The following RIMS1 variants were observed in gnomAD, a reference collection of about 807,000 sequenced individuals.
RIMS1 encodes regulating synaptic membrane exocytosis 1, also known as regulating synaptic membrane exocytosis protein 1.
Under a neutral mutation model 214.1 loss-of-function variants are expected in RIMS1, and 83 were observed. That is an observed-to-expected ratio of 0.39 (90% confidence interval 0.32 to 0.47). The LOEUF (loss-of-function observed/expected upper bound fraction) is 0.47. Ranked by LOEUF, RIMS1 falls within the 20% of genes least tolerant of loss-of-function variation. The pLI, the probability that RIMS1 is intolerant of heterozygous loss-of-function variation, is 0.99. For missense variants in RIMS1, 2,050 were observed against 2,161.8 expected (o/e 0.95, Z 1.03); for synonymous variants, 793 against 786.8 (o/e 1.01, Z -0.13).
chr6:71,931,726 G>A (rs931235434), intron 1 of RIMS1, among the ~76,000 whole-genome samples: 1 of 151,566 alleles, frequency 6.6e-6, no homozygotes, highest in East Asian at 1.9e-4. Context: ...AGTTTCTTTT[G>A]CTGTGAAGAA....
chr6:72,382,261 C>G (rs1286938334), intron 29 of RIMS1, among the ~76,000 whole-genome samples: 4 of 152,176 alleles, frequency 2.6e-5, no homozygotes, highest in Non-Finnish European at 5.9e-5. Context: ...TTGTACTTAT[C>G]TGGCTTAGGA....
intron 4 of RIMS1, among the ~76,000 whole-genome samples, chr6:72,177,053 T>C (rs1294446772): frequency 6.6e-6 from 1 of 152,188 alleles, no homozygotes; most frequent in Non-Finnish European, 1.5e-5. Flanking sequence ...TTCTAGAGAA[T>C]ATTCAAATGT....
chr6:71,973,036 A>G (rs1040857517), intron 2 of RIMS1, among the ~76,000 whole-genome samples: 2 of 152,070 alleles, frequency 1.3e-5, no homozygotes, highest in Non-Finnish European at 2.9e-5. Flanking sequence ...CTGCCTCCCA[A>G]GTAGCTGGGA....
At chr6:72,129,583 T>A (rs567651684) in intron 4 of RIMS1, among the ~76,000 whole-genome samples, 2 of 152,258 alleles carry the variant, frequency 1.3e-5, no homozygotes, top group East Asian at 1.9e-4. Flanking sequence ...GTATAAGAGT[T>A]TTCTAGTTTA....
At chr6:72,152,741 GTA>G (rs1185301698) in intron 4 of RIMS1, among the ~76,000 whole-genome samples, 5 of 132,582 alleles carry the variant, frequency 3.8e-5, no homozygotes, top group Admixed American at 8.4e-5. Context: ...TGGAATATAT[GTA>G]TATATATGTA....
chr6:72,117,857 A>G (rs2037391974), intron 4 of RIMS1, among the ~76,000 whole-genome samples: 1 of 152,062 alleles, frequency 6.6e-6, no homozygotes. Flanking sequence ...CTAATGTCAC[A>G]TCTCAAGGAA....
chr6:71,987,987 A>G (rs1288048342), intron 2 of RIMS1, among the ~76,000 whole-genome samples: 3 of 152,158 alleles, frequency 2.0e-5, no homozygotes, highest in African/African-American at 7.2e-5. Flanking sequence ...GTTTCTAAGG[A>G]AAGTAAGACT....
intron 1 of RIMS1, among the ~76,000 whole-genome samples, chr6:71,913,375 C>T (rs1293019036): frequency 6.6e-6 from 1 of 152,070 alleles, no homozygotes; most frequent in Non-Finnish European, 1.5e-5. Context: ...TGTATTTTGA[C>T]AGACACTAAA....
intron 28 of RIMS1, among the ~76,000 whole-genome samples, chr6:72,329,782 C>T (rs1295649460): frequency 6.6e-6 from 1 of 151,604 alleles, no homozygotes; most frequent in Non-Finnish European, 1.5e-5. Flanking sequence ...TTACTCTGAG[C>T]AGTTGGGTAG....
chr6:72,191,816 C>T (rs1407187486), intron 6 of RIMS1, among the ~76,000 whole-genome samples: 2 of 152,198 alleles, frequency 1.3e-5, no homozygotes, highest in Non-Finnish European at 2.9e-5. Flanking sequence ...CACTGTCGTT[C>T]TCCAAGATCC....
At chr6:72,301,953 T>C (rs1311677133) in intron 26 of RIMS1, among the ~76,000 whole-genome samples, 1 of 151,610 alleles carries the variant, frequency 6.6e-6, no homozygotes, top group African/African-American at 2.4e-5. Flanking sequence ...AATCTGGAAA[T>C]TAGGTAATAA....
chr6:72,000,140 G>C (rs1429571341), intron 2 of RIMS1, among the ~76,000 whole-genome samples: 2 of 151,834 alleles, frequency 1.3e-5, no homozygotes, highest in African/African-American at 4.8e-5. Context: ...TATCCTTCTT[G>C]GATATCAGTA....
intron 2 of RIMS1, among the ~76,000 whole-genome samples, chr6:71,990,638 A>G (rs1430964347): frequency 6.6e-6 from 1 of 152,010 alleles, no homozygotes; most frequent in African/African-American, 2.4e-5. Context: ...GAAATCGGAG[A>G]TGGCTTCCAT....
chr6:71,914,346 C>CA (rs934005040), intron 1 of RIMS1, among the ~76,000 whole-genome samples: 1 of 151,744 alleles, frequency 6.6e-6, no homozygotes, highest in Non-Finnish European at 1.5e-5. Context: ...CTTTTTTCCA[C>CA]AAAAAATTTA....
intron 23 of RIMS1, among the ~76,000 whole-genome samples, chr6:72,276,335 CATG>C (rs2086390634): frequency 6.6e-6 from 1 of 152,100 alleles, no homozygotes; most frequent in Non-Finnish European, 1.5e-5. Context: ...GAAAATTAAA[CATG>C]ATGATCTTTG....
chr6:71,951,443 TAGAGTA>T (rs1693963049), intron 1 of RIMS1, among the ~76,000 whole-genome samples: 1 of 151,280 alleles, frequency 6.6e-6, no homozygotes, highest in Admixed American at 6.6e-5. Context: ...ACATTTCAAG[TAGAGTA>T]AAAGACCATT....
At chr6:72,359,856 A>G (rs752515929) in intron 29 of RIMS1, among the ~76,000 whole-genome samples, 2 of 152,180 alleles carry the variant, frequency 1.3e-5, no homozygotes, top group Non-Finnish European at 2.9e-5. Flanking sequence ...GCAGATATCT[A>G]AAGAATTATT....
intron 6 of RIMS1, among the ~76,000 whole-genome samples, chr6:72,231,463 G>A (rs528178927): frequency 2.6e-5 from 4 of 151,536 alleles, no homozygotes; most frequent in Non-Finnish European, 5.9e-5. Context: ...ACATTTGTTA[G>A]CAATATTTAG....
chr6:72,368,426 C>G (rs547084328), intron 29 of RIMS1, among the ~76,000 whole-genome samples: 1 of 150,584 alleles, frequency 6.6e-6, no homozygotes, highest in South Asian at 2.1e-4. Context: ...CTCAGCCTCC[C>G]GAGTAGCTGG....
Sources: gnomAD v4.1 joint callset for allele counts (sites outside exome capture counted in the v4.1 genomes callset) on GRCh38, gnomAD v4.1.1 for gene constraint, MANE v1.5 for transcripts, NCBI Gene and HGNC (gene_info 2026-07-23, HGNC 2026-07-21) for gene names.